RPH3AL: variants seen among roughly 807,000 people sequenced by gnomAD.
The protein encoded by RPH3AL is rab effector Noc2.
RPH3AL carries 38 observed loss-of-function variants against 43.1 expected under a neutral mutation model. The observed-to-expected ratio is 0.88, with a 90% CI of 0.68 to 1.15. The LOEUF is 1.15. RPH3AL is among the 50% of genes most tolerant of loss of function. The probability of loss-of-function intolerance (pLI) is 0.00; values close to 1 mark genes in which losing one functional copy is unlikely to be tolerated. For synonymous variants in RPH3AL, 189 were observed against 176.3 expected (o/e 1.07, Z -0.57); for missense variants, 462 against 423.2 (o/e 1.09, Z -0.81).
chr17:235,645 GGATC>G (rs2041361683), intron 7 of RPH3AL, among the ~76,000 whole-genome samples: 1 of 98,982 alleles, frequency 1.0e-5, no homozygotes, highest in Non-Finnish European at 2.2e-5. Flanking sequence ...CTAACAAGAT[GGATC>G]CAGGGTTCAA....
At chr17:326,559 G>A (rs2044625363) in intron 3 of RPH3AL, among the ~76,000 whole-genome samples, 1 of 152,148 alleles carries the variant, frequency 6.6e-6, no homozygotes, top group South Asian at 2.1e-4. Context: ...CCTACCCAGA[G>A]CTGAGAGGTC....
chr17:275,854 C>T (rs1189812626), intron 6 of RPH3AL, among the ~76,000 whole-genome samples: 1 of 152,176 alleles, frequency 6.6e-6, no homozygotes, highest in Non-Finnish European at 1.5e-5. Context: ...GGCTTATTCC[C>T]TTTTTTGTTT....
intron 9 of RPH3AL, chr17:214,769 C>CA (rs112783318): frequency 0.031 from 4,019 of 129,636 alleles, 161 homozygotes; most frequent in African/African-American, 0.1. Flanking sequence ...GATCCTGTCT[C>CA]AAAAAAAAAA....
At chr17:219,812 C>T (rs2040912641) in intron 7 of RPH3AL, 76 bp from the exon 8 acceptor site, 1 of 1,055,436 alleles carries the variant, frequency 9.5e-7, no homozygotes, top group Non-Finnish European at 1.5e-6. Context: ...GGGACGAGGG[C>T]AGGCCTCCCC....
intron 7 of RPH3AL, among the ~76,000 whole-genome samples, chr17:239,505 T>A (rs1411727888): frequency 6.6e-6 from 1 of 152,192 alleles, no homozygotes; most frequent in Non-Finnish European, 1.5e-5. Context: ...TTCCTACAAA[T>A]AAATATTCTG....
intron 6 of RPH3AL, among the ~76,000 whole-genome samples, chr17:267,302 C>T (rs1414267402): frequency 2.6e-5 from 4 of 152,226 alleles, no homozygotes; most frequent in African/African-American, 9.6e-5. Flanking sequence ...TGAGGCTGCT[C>T]TGACACCGGT....
intron 6 of RPH3AL, chr17:261,782 C>G (rs1031960727): frequency 2.6e-5 from 4 of 152,098 alleles, no homozygotes; most frequent in Admixed American, 2.6e-4. Flanking sequence ...TCCAGAAAAA[C>G]ACAAGTGAAA....
intron 6 of RPH3AL, among the ~76,000 whole-genome samples, chr17:262,205 C>T (rs1405011213): frequency 1.3e-5 from 2 of 152,060 alleles, no homozygotes; most frequent in African/African-American, 2.4e-5. Context: ...TACGTTTGAG[C>T]CTAAGACGTT....
At chr17:348,178 T>C (rs1483283991) in intron 1 of RPH3AL, among the ~76,000 whole-genome samples, 1 of 150,894 alleles carries the variant, frequency 6.6e-6, no homozygotes, top group African/African-American at 2.4e-5. Context: ...ACTACATCTA[T>C]GACATTCTGG....
intron 1 of RPH3AL, among the ~76,000 whole-genome samples, chr17:337,632 T>C (rs866658734): frequency 1.3e-5 from 2 of 152,314 alleles, no homozygotes; most frequent in South Asian, 4.1e-4. Flanking sequence ...GAGCTAAGCG[T>C]CTGCTCCTGT....
intron 7 of RPH3AL, among the ~76,000 whole-genome samples, chr17:238,460 G>C (rs2041454414): frequency 6.6e-6 from 1 of 152,190 alleles, no homozygotes; most frequent in South Asian, 2.1e-4. Flanking sequence ...CTCGGCGTTG[G>C]AGGCAGAGAA....
chr17:317,612 C>G (rs907132798), intron 5 of RPH3AL, among the ~76,000 whole-genome samples: 2 of 152,312 alleles, frequency 1.3e-5, no homozygotes, highest in East Asian at 1.9e-4. Flanking sequence ...CAGTCTTACA[C>G]CCAGGCCCCC....
At chr17:214,892 A>G (rs2040757926) in intron 9 of RPH3AL, 1 of 152,016 alleles carries the variant, frequency 6.6e-6, no homozygotes, top group African/African-American at 2.4e-5. Context: ...TCCTCTGTGG[A>G]GGACCTCCAG....
chr17:336,762 G>A (rs553972980), intron 1 of RPH3AL, among the ~76,000 whole-genome samples: 1 of 152,312 alleles, frequency 6.6e-6, no homozygotes, highest in East Asian at 1.9e-4. Flanking sequence ...CATTCTGCCA[G>A]CCACCCCTCT....
intron 2 of RPH3AL, among the ~76,000 whole-genome samples, chr17:330,237 T>C (rs2044718683): frequency 6.6e-6 from 1 of 152,228 alleles, no homozygotes; most frequent in Non-Finnish European, 1.5e-5. Flanking sequence ...TCCAGGCACC[T>C]GCTCTTCCAG....
chr17:296,599 G>A (rs557326866), intron 5 of RPH3AL, among the ~76,000 whole-genome samples: 3 of 152,290 alleles, frequency 2.0e-5, no homozygotes, highest in East Asian at 1.9e-4. Context: ...AGTCCCTCAC[G>A]AGCTCGTTTC....
At chr17:265,544 C>CT (rs2042301045) in intron 6 of RPH3AL, among the ~76,000 whole-genome samples, 1 of 152,182 alleles carries the variant, frequency 6.6e-6, no homozygotes, top group African/African-American at 2.4e-5. Flanking sequence ...CTGCTGATGG[C>CT]TTTTTCTTTT....
At chr17:291,827 C>T (rs1346216384) in intron 5 of RPH3AL, among the ~76,000 whole-genome samples, 2 of 152,116 alleles carry the variant, frequency 1.3e-5, no homozygotes, top group Non-Finnish European at 2.9e-5. Context: ...CATAGCAGGG[C>T]GCTCCACCAC....
At chr17:249,308 C>T (rs782775810) in intron 6 of RPH3AL, among the ~76,000 whole-genome samples, 1 of 152,150 alleles carries the variant, frequency 6.6e-6, no homozygotes, top group African/African-American at 2.4e-5. Context: ...TGGCACCCAG[C>T]ATCTGGTGTG....
Sources: gnomAD v4.1 joint callset for allele counts (sites outside exome capture counted in the v4.1 genomes callset) on GRCh38, gnomAD v4.1.1 for gene constraint, MANE v1.5 for transcripts, NCBI Gene and HGNC (gene_info 2026-07-23, HGNC 2026-07-21) for gene names.